ADAMTS2: variants seen among roughly 807,000 people sequenced by gnomAD.
ADAMTS2 encodes the protein ADAM metallopeptidase with thrombospondin type 1 motif 2.
Under a neutral mutation model 123.0 loss-of-function variants are expected in ADAMTS2, and 50 were observed. The observed-to-expected ratio is 0.41, with a 90% CI of 0.32 to 0.51. The LOEUF (loss-of-function observed/expected upper bound fraction) is 0.51, where lower values mean the gene tolerates loss of function less well. ADAMTS2 is among the 20% of genes least tolerant of loss of function. ADAMTS2 has a pLI of 0.35. For missense variants in ADAMTS2, 1,494 were observed against 1,705.2 expected, an observed-to-expected ratio of 0.88 and a Z score of 2.18; for synonymous variants, 678 against 695.4, an observed-to-expected ratio of 0.98 and a Z score of 0.39.
chr5:179,179,420 A>C lies in ADAMTS2; in HGVS notation c.975+1652T>G, dbSNP rs182963078. ...CTTTATGACCCAAAACACTTCTGTA[A>C]TTTTTAAGTGTTCTATGATTCCTCG... On this transcript the variant is annotated intron_variant, in intron 5 of 21. Transcript: ENST00000251582. Among the ~76,000 whole-genome samples, 1,030 of 152,184 alleles carry C rather than the reference A, an allele frequency of 6.8e-3. 5 individuals are homozygous for C. The highest frequency in any genetic ancestry group is 9.6e-3 in the Non-Finnish European group (655 of 68,014).
At chr5:179,320,474 A>ATTTTTTT (rs10565392) in intron 2 of ADAMTS2, among the ~76,000 whole-genome samples, 2 of 142,476 alleles carry the variant, frequency 1.4e-5, no homozygotes. Flanking sequence ...CGCCTGGCTA[A>ATTTTTTT]TTTTTTTTTT....
chr5:179,310,741 G>A (rs1217032959), intron 2 of ADAMTS2, among the ~76,000 whole-genome samples: 2 of 152,148 alleles, frequency 1.3e-5, no homozygotes, highest in East Asian at 3.9e-4. Flanking sequence ...GGGACACACT[G>A]CTCTAGACCT....
chr5:179,302,379 CAAAAAAAAAAAAAAAAA>C (rs1166990772), intron 2 of ADAMTS2, among the ~76,000 whole-genome samples: 1 of 38,184 alleles, frequency 2.6e-5, no homozygotes, highest in Non-Finnish European at 4.5e-5. Context: ...AAGACCGTCT[CAAAAAAAAAAAAAAAAA>C]AAAAAAAAAA....
intron 10 of ADAMTS2, among the ~76,000 whole-genome samples, chr5:179,149,559 C>G (rs186819080): frequency 7.2e-4 from 110 of 152,304 alleles, no homozygotes; most frequent in African/African-American, 2.5e-3. Flanking sequence ...CAGTGGTCCT[C>G]CTGTCCCAAC....
At chr5:179,147,833 G>T (rs182575146) in intron 10 of ADAMTS2, among the ~76,000 whole-genome samples, 1 of 152,330 alleles carries the variant, frequency 6.6e-6, no homozygotes, top group African/African-American at 2.4e-5. Flanking sequence ...GCACCCACGG[G>T]AGGAGAATTG....
chr5:179,139,845 T>G, intron 11 of ADAMTS2, 45 bp downstream of exon 11: 1 of 1,609,342 alleles, frequency 6.2e-7, no homozygotes. Context: ...TCCTGGACCC[T>G]CAGCTGCCAC....
Position 179,189,310 on chromosome 5 carries a change from C to T in ADAMTS2, c.892-8155G>A, listed in dbSNP as rs561461230. On this transcript the variant is annotated intron_variant, in intron 4 of 21. Transcript: ENST00000251582. This position sits in a 1 kb window ranked among gnomAD's most constrained non-coding sequence, Gnocchi z 4.2. ...AGCAAAGGGTGGTGGGACTACCATTCGTTGGTATAGGTTTGGGATAGACGG... is the reference window on the plus strand; with the variant it reads ...AGCAAAGGGTGGTGGGACTACCATTTGTTGGTATAGGTTTGGGATAGACGG... 1.5e-4 allele frequency among the ~76,000 whole-genome samples: 22 copies of T among 151,322 alleles called. No homozygotes were observed. Among genetic ancestry groups the T allele is most frequent in the Middle Eastern group, 3.2e-3 (1 of 316 alleles).
At chr5:179,141,868 A>G (rs943754268) in intron 10 of ADAMTS2, among the ~76,000 whole-genome samples, 1 of 152,182 alleles carries the variant, frequency 6.6e-6, no homozygotes, top group African/African-American at 2.4e-5. Flanking sequence ...GCTCTGCTCC[A>G]GGTACACCAG....
Position 179,207,575 on chromosome 5 carries a change from A to T in ADAMTS2, c.829T>A (p.Ser277Thr). The T allele has an allele frequency of 3.1e-6, 5 of 1,613,604 alleles. No individual in the cohort carries two copies. The highest frequency in any genetic ancestry group is 4.2e-6 in the Non-Finnish European group (5 of 1,179,970). ...NIEVLLGVDD[S>T]VVQFHGKEHV... is the part of the protein sequence containing the mutation. ...TCCTTCCCGTGGAACTGCACCACAG[A>T]GTCATCCACGCCCAGCAGGACCTCG... Residue 277 changes from serine (S) to threonine (T), a missense_variant, in exon 4 of 22, where the codon TCT becomes ACT. Physicochemically the swap from Ser to Thr is moderately conservative, Grantham distance 58. Coordinates refer to ENST00000251582, the MANE Select transcript of ADAMTS2 (RefSeq NM_014244.5).
intron 2 of ADAMTS2, among the ~76,000 whole-genome samples, chr5:179,318,942 G>GT (rs1757079351): frequency 6.6e-6 from 1 of 152,218 alleles, no homozygotes; most frequent in Non-Finnish European, 1.5e-5. Context: ...GGCAAGGGGC[G>GT]TGTGTGCCAT....
Position 179,181,095 on chromosome 5 carries a change from T to C in ADAMTS2, c.952A>G (p.Ile318Val). The C allele has an allele frequency of 6.2e-7, 1 of 1,613,832 alleles. No homozygotes were observed. Among genetic ancestry groups the C allele is most frequent in the Non-Finnish European group, 8.5e-7 (1 of 1,179,902 alleles). The stretch of plus-strand genomic sequence containing the variant: ...ACCTTTCCATAGCTCAGGAGGATGA[T>C]CCGCACCAGGACCACGTTGATGTGG... ...GAHINVVLVR[I>V]ILLSYGKSMS... Residue 318 changes from isoleucine to valine, a missense_variant, in exon 5 of 22, where the codon ATC becomes GTC. By Grantham distance (29) the Ile-to-Val change is conservative (BLOSUM62 3). Transcript: ENST00000251582. This position sits in a 1 kb window ranked among gnomAD's most constrained non-coding sequence, Gnocchi z 4.1.
In ADAMTS2 at chr5:179,225,742, A is replaced by G. The variant is rs1437059596; in HGVS notation, c.689-18027T>C. 1.3e-5 allele frequency among the ~76,000 whole-genome samples: 2 copies of G among 152,056 alleles called. No individual in the cohort carries two copies. Among genetic ancestry groups the G allele is most frequent in the Non-Finnish European group, 1.5e-5 (1 of 68,002 alleles). On this transcript the variant is annotated intron_variant, in intron 3 of 21. Transcript: ENST00000251582. This position sits in a 1 kb window ranked among gnomAD's most constrained non-coding sequence, Gnocchi z 4.5. Reference sequence around the variant, plus strand: ...CTCCAGGGAAAGCCCTTTGCACCCCATCCTCCTTCTGGCTTCCCCCATCTG... The same window carrying G: ...CTCCAGGGAAAGCCCTTTGCACCCCGTCCTCCTTCTGGCTTCCCCCATCTG...
intron 5 of ADAMTS2, among the ~76,000 whole-genome samples, chr5:179,179,980 G>C (rs1764009690): frequency 6.6e-6 from 1 of 152,010 alleles, no homozygotes; most frequent in Non-Finnish European, 1.5e-5. Flanking sequence ...CTGCTGTCTG[G>C]GTAAGAAGCC....
intron 21 of ADAMTS2, among the ~76,000 whole-genome samples, chr5:179,116,725 G>A (rs1465056747): frequency 6.6e-6 from 1 of 152,164 alleles, no homozygotes; most frequent in Non-Finnish European, 1.5e-5. Flanking sequence ...ATCTGAAAAT[G>A]GCAATTTCCA....
intron 2 of ADAMTS2, among the ~76,000 whole-genome samples, chr5:179,316,370 A>G (rs1756998808): frequency 6.6e-6 from 1 of 152,174 alleles, no homozygotes; most frequent in African/African-American, 2.4e-5. Flanking sequence ...GAAGGGTGAC[A>G]CCCTGGGAGA....
chr5:179,139,543 CG>C (rs935039617), intron 11 of ADAMTS2, among the ~76,000 whole-genome samples: 4 of 151,982 alleles, frequency 2.6e-5, no homozygotes, highest in African/African-American at 4.8e-5. Context: ...GTGCTAGCAT[CG>C]GGGGGGCTGA....
At chr5:179,338,281 G>A (rs1302914124) in intron 2 of ADAMTS2, among the ~76,000 whole-genome samples, 2 of 152,176 alleles carry the variant, frequency 1.3e-5, no homozygotes, top group African/African-American at 4.8e-5. Context: ...ACCTGCATAT[G>A]TAACTCCTAG....
chr5:179,124,018 T>C (rs1170308016), intron 19 of ADAMTS2, among the ~76,000 whole-genome samples: 1 of 152,212 alleles, frequency 6.6e-6, no homozygotes, highest in Non-Finnish European at 1.5e-5. Flanking sequence ...GCAGGGAGAA[T>C]TCAGGGCATT....
intron 3 of ADAMTS2, among the ~76,000 whole-genome samples, chr5:179,209,509 CGCACACACACAT>C (rs1425913861): frequency 2.0e-5 from 3 of 151,412 alleles, no homozygotes; most frequent in Non-Finnish European, 4.4e-5. Context: ...GTCCCCTCGG[CGCACACACACAT>C]GCACACACAC....
Sources: allele counts gnomAD v4.1 joint callset (sites outside exome capture counted in the v4.1 genomes callset), GRCh38; gene constraint gnomAD v4.1.1; non-coding constraint Gnocchi (gnomAD v3.1); transcripts MANE v1.5; gene names NCBI Gene and HGNC (gene_info 2026-07-23, HGNC 2026-07-21).